ANK2: variants seen among roughly 807,000 people sequenced by gnomAD.
ANK2 encodes ankyrin-2.
In ANK2, 83 loss-of-function variants were observed where a neutral mutation model predicts 360.5. The ratio of observed to expected loss-of-function variants is 0.23; its 90% CI spans 0.19 to 0.28. The LOEUF (loss-of-function observed/expected upper bound fraction) is 0.28, where lower values mean the gene tolerates loss of function less well. ANK2 is among the 10% of genes least tolerant of loss of function. The pLI is 1.00. For missense variants in ANK2, 4,201 were observed against 4,795.7 expected, an observed-to-expected ratio of 0.88 and a Z score of 3.66; for synonymous variants, 1,740 against 1,759.5, an observed-to-expected ratio of 0.99 and a Z score of 0.28.
chr4:112,850,319 A>T (rs1560781703), intron 1 of ANK2, among the ~76,000 whole-genome samples: 1 of 134,198 alleles, frequency 7.5e-6, no homozygotes, highest in African/African-American at 2.8e-5. Context: ...TCATCCATCC[A>T]TCCATTCATC....
At chr4:112,949,066 C>T (rs1356763729) in intron 2 of ANK2, among the ~76,000 whole-genome samples, 1 of 152,158 alleles carries the variant, frequency 6.6e-6, no homozygotes, top group Non-Finnish European at 1.5e-5. Flanking sequence ...GGAGGTACAG[C>T]TCCAGCCATT....
chr4:112,891,237 T>G (rs2079942106), intron 1 of ANK2, among the ~76,000 whole-genome samples: 1 of 152,180 alleles, frequency 6.6e-6, no homozygotes, highest in African/African-American at 2.4e-5. Context: ...CATCTTCCTT[T>G]TTTGTTCTTC....
intron 3 of ANK2, 41 bp downstream of exon 3, chr4:113,196,507 G>A (rs747505513): frequency 4.0e-6 from 6 of 1,511,480 alleles, no homozygotes; most frequent in Middle Eastern, 1.7e-4. Flanking sequence ...CCTTAGAAAA[G>A]CGAAAATAAT....
At chr4:112,999,402 A>G (rs1277280301) in intron 2 of ANK2, among the ~76,000 whole-genome samples, 2 of 152,186 alleles carry the variant, frequency 1.3e-5, no homozygotes, top group African/African-American at 4.8e-5. Flanking sequence ...AAGGAAATGA[A>G]GATCAGAGAG....
intron 1 of ANK2, among the ~76,000 whole-genome samples, chr4:112,838,907 G>T (rs2061543793): frequency 6.6e-6 from 1 of 152,116 alleles, no homozygotes; most frequent in Non-Finnish European, 1.5e-5. Flanking sequence ...TGTGCCTTTG[G>T]TATTTCACTT....
intron 1 of ANK2, among the ~76,000 whole-genome samples, chr4:113,058,474 A>T (rs952085624): frequency 2.6e-5 from 4 of 151,890 alleles, no homozygotes; most frequent in Admixed American, 6.6e-5. Context: ...ATTCTAGTTT[A>T]AAAAAAATGA....
chr4:113,122,063 GGAATTGTGTTATAAGAATGAGTTGAAAGT>G (rs2095398228), intron 1 of ANK2, among the ~76,000 whole-genome samples: 1 of 152,016 alleles, frequency 6.6e-6, no homozygotes, highest in African/African-American at 2.4e-5. Flanking sequence ...CTATAACTTT[GGAATTGTGTTATAAGAATGAGTTGAAAGT>G]GAATTGTGTT....
chr4:113,356,849 C>A lies in ANK2; in HGVS notation c.8231C>A (p.Ala2744Asp). ...GAAAAAGATTCTGAATCCCATTTAG[C>A]TGAAGACCGTCATGCTGTTTCCACT... ...EEEKDSESHL[A>D]EDRHAVSTEA... is the part of the protein sequence containing the mutation. Residue 2744 changes from alanine (A) to aspartate (D), a missense_variant, in exon 38 of 46, where the codon GCT (alanine) becomes GAT (aspartate). Coordinates refer to ENST00000357077, the MANE Select transcript of ANK2 (RefSeq NM_001148.6). 7 of 1,614,046 alleles carry A rather than the reference C, an allele frequency of 4.3e-6. No homozygotes were observed. The highest frequency in any genetic ancestry group is 5.1e-6 in the Non-Finnish European group (6 of 1,179,980).
chr4:113,304,766 G>C (rs1243043354), intron 23 of ANK2, among the ~76,000 whole-genome samples: 1 of 151,946 alleles, frequency 6.6e-6, no homozygotes, highest in African/African-American at 2.4e-5. Context: ...ATATAGCTAA[G>C]AATAGAAATA....
chr4:113,310,784 G>A (rs912802785), intron 23 of ANK2, among the ~76,000 whole-genome samples: 2 of 152,170 alleles, frequency 1.3e-5, no homozygotes, highest in Admixed American at 6.5e-5. Context: ...CTTGCACTGT[G>A]CTTGTATTAT....
At chr4:112,840,161 C>T (rs2061801947) in intron 1 of ANK2, among the ~76,000 whole-genome samples, 1 of 152,098 alleles carries the variant, frequency 6.6e-6, no homozygotes. Context: ...CAGGGTTTCC[C>T]AGTGTGGTTT....
At chr4:113,046,246 C>T (rs1372625393), upstream of ANK2, among the ~76,000 whole-genome samples, 1 of 152,144 alleles carries the variant, frequency 6.6e-6, no homozygotes, top group Non-Finnish European at 1.5e-5. Context: ...TGTTTAACTA[C>T]TGGCTGGGAT....
chr4:113,071,392 G>A (rs2077493926), intron 1 of ANK2, among the ~76,000 whole-genome samples: 1 of 152,198 alleles, frequency 6.6e-6, no homozygotes, highest in Non-Finnish European at 1.5e-5. Flanking sequence ...CACAGTAGTA[G>A]TTCTCTACTC....
chr4:113,035,924 G>A (rs188647866), intron 2 of ANK2, among the ~76,000 whole-genome samples: 8 of 151,874 alleles, frequency 5.3e-5, no homozygotes, highest in Admixed American at 5.3e-4. Context: ...CAAATTAGTG[G>A]GTAAAACACC....
At chr4:113,193,008 G>A (rs1221581888) in intron 2 of ANK2, among the ~76,000 whole-genome samples, 1 of 151,852 alleles carries the variant, frequency 6.6e-6, no homozygotes, top group Non-Finnish European at 1.5e-5. Context: ...CATCCGGGGC[G>A]CTAGACGGGA....
the ANK2 span, among the ~76,000 whole-genome samples, chr4:112,744,521 T>G: frequency 6.6e-6 from 1 of 151,960 alleles, no homozygotes; most frequent in Non-Finnish European, 1.5e-5. Flanking sequence ...GCTAATTTTT[T>G]GCATTTTTAG....
At chr4:113,183,788 T>C (rs568077151) in intron 2 of ANK2, among the ~76,000 whole-genome samples, 2 of 151,976 alleles carry the variant, frequency 1.3e-5, no homozygotes, top group African/African-American at 4.8e-5. Context: ...ATTGAGGAAT[T>C]CAAGAACCTG....
At chr4:112,982,376 A>C (rs922568461) in intron 2 of ANK2, among the ~76,000 whole-genome samples, 1 of 152,204 alleles carries the variant, frequency 6.6e-6, no homozygotes, top group Non-Finnish European at 1.5e-5. Context: ...AAAAAGGCGG[A>C]GTAATGTAAT....
chr4:113,276,918 T>TC (rs1385496571), intron 15 of ANK2, among the ~76,000 whole-genome samples: 1 of 152,034 alleles, frequency 6.6e-6, no homozygotes, highest in Admixed American at 6.5e-5. Flanking sequence ...GTGTTAGAAT[T>TC]CCCCCACTCC....
Sources: allele counts gnomAD v4.1 joint callset (sites outside exome capture counted in the v4.1 genomes callset), GRCh38; gene constraint gnomAD v4.1.1; transcripts MANE v1.5; gene names NCBI Gene and HGNC (gene_info 2026-07-23, HGNC 2026-07-21).